Variants in HIKESHI observed in about 807,000 individuals in gnomAD.
The protein encoded by HIKESHI is protein Hikeshi.
In HIKESHI, 13 loss-of-function variants were observed where a neutral mutation model predicts 25.7. That is an observed-to-expected ratio of 0.51 (90% CI 0.33 to 0.80). The LOEUF is 0.80. HIKESHI is among the 30% of genes least tolerant of loss of function. The pLI is 0.02. For missense variants in HIKESHI, 174 were observed against 229.5 expected (o/e 0.76, Z 1.56); for synonymous variants, 76 against 78.7 (o/e 0.97, Z 0.18).
Position 86,304,512 on chromosome 11 carries a change from CTTT to C in HIKESHI, c.31-1713_31-1711del, listed in dbSNP as rs35545393. ...GCCAGTGTGTGAGTTGCACAACTCA[CTTT>C]TTTTTTTTTTTTTTTTTTTGAGACG... On this transcript the variant is annotated intron_variant, in intron 1 of 4. Transcript: ENST00000278483. Among the ~76,000 whole-genome samples the C allele has an allele frequency of 3.6e-5, 4 of 112,542 alleles. No homozygotes were observed. The Admixed American group carries it at 4.0e-4, about 11-fold the overall frequency. The allele number at this position is 112,542 out of a possible 152,430, so 73.8% of individuals were successfully genotyped here.
intron 2 of HIKESHI, among the ~76,000 whole-genome samples, chr11:86,309,854 C>T (rs891027966): frequency 2.2e-4 from 34 of 152,126 alleles, no homozygotes; most frequent in African/African-American, 7.5e-4. Context: ...TTGTTTTTGT[C>T]AGGTTTCTCA....
chr11:86,337,050 A>T (rs1947583145), intron 2 of HIKESHI, among the ~76,000 whole-genome samples: 1 of 152,180 alleles, frequency 6.6e-6, no homozygotes, highest in Admixed American at 6.5e-5. Flanking sequence ...TTGCTGGCAG[A>T]CCTGCTCCAT....
intron 3 of HIKESHI, chr11:86,344,379 G>T: frequency 2.4e-6 from 1 of 408,350 alleles, no homozygotes; most frequent in Non-Finnish European, 4.3e-6. Flanking sequence ...TGTTGCACAG[G>T]CTGGTCTTGA....
chr11:86,310,025 C>G (rs1035976478), intron 2 of HIKESHI, among the ~76,000 whole-genome samples: 1 of 149,166 alleles, frequency 6.7e-6, no homozygotes, highest in African/African-American at 2.5e-5. Flanking sequence ...GTTCTTTTGG[C>G]TTAGGATTGT....
intron 2 of HIKESHI, among the ~76,000 whole-genome samples, chr11:86,311,701 C>T (rs1452146382): frequency 6.6e-6 from 1 of 152,172 alleles, no homozygotes; most frequent in Admixed American, 6.5e-5. Flanking sequence ...GCATTTAGTG[C>T]TATAAATTTC....
chr11:86,310,028 A>C (rs1459779808), intron 2 of HIKESHI, among the ~76,000 whole-genome samples: 2 of 149,632 alleles, frequency 1.3e-5, no homozygotes, highest in Non-Finnish European at 3.0e-5. Context: ...CTTTTGGCTT[A>C]GGATTGTCTT....
At chr11:86,330,464 A>C (rs1482690845) in intron 2 of HIKESHI, among the ~76,000 whole-genome samples, 3 of 152,228 alleles carry the variant, frequency 2.0e-5, no homozygotes, top group Non-Finnish European at 2.9e-5. Flanking sequence ...GGAAGCCAAA[A>C]GCTCTATTTA....
intron 2 of HIKESHI, among the ~76,000 whole-genome samples, chr11:86,316,585 AAAT>A (rs1946985193): frequency 6.6e-6 from 1 of 152,076 alleles, no homozygotes; most frequent in Non-Finnish European, 1.5e-5. Context: ...AGTAAAAAGA[AAAT>A]AAGGCATTGG....
At chr11:86,329,500 A>T (rs1947366369) in intron 2 of HIKESHI, among the ~76,000 whole-genome samples, 1 of 150,992 alleles carries the variant, frequency 6.6e-6, no homozygotes, top group Non-Finnish European at 1.5e-5. Context: ...TAGCTTTAGG[A>T]TTTTCTGTAC....
chr11:86,343,945 C>T (rs1947800522), intron 3 of HIKESHI: 1 of 152,208 alleles, frequency 6.6e-6, no homozygotes. Context: ...TTACTTCTAG[C>T]TTCTACCAAG....
intron 2 of HIKESHI, among the ~76,000 whole-genome samples, chr11:86,319,301 G>T (rs1947090205): frequency 7.0e-6 from 1 of 143,174 alleles, no homozygotes. Context: ...GCAGTAGCAA[G>T]ATTTCAGCTC....
intron 2 of HIKESHI, among the ~76,000 whole-genome samples, chr11:86,328,906 T>TTG (rs139954147): frequency 0.031 from 4,487 of 145,258 alleles, 89 homozygotes; most frequent in African/African-American, 0.061. Context: ...GTTTTGTGTT[T>TTG]TGTGTGTGTG....
intron 2 of HIKESHI, among the ~76,000 whole-genome samples, chr11:86,329,694 C>G (rs1947372585): frequency 6.6e-6 from 1 of 151,438 alleles, no homozygotes; most frequent in South Asian, 2.1e-4. Flanking sequence ...TTTTTTCTTC[C>G]TCTGCTTTCT....
chr11:86,334,234 A>ATGTGTGTGTGTG (rs1555186477), intron 2 of HIKESHI, among the ~76,000 whole-genome samples: 1 of 125,940 alleles, frequency 7.9e-6, no homozygotes, highest in Admixed American at 8.8e-5. Flanking sequence ...TCTTTGTAAA[A>ATGTGTGTGTGTG]TATGTGTGTG....
intron 2 of HIKESHI, among the ~76,000 whole-genome samples, chr11:86,319,150 G>T (rs1947077282): frequency 6.8e-6 from 1 of 147,182 alleles, no homozygotes; most frequent in Non-Finnish European, 1.5e-5. Context: ...GGCCTCAGGT[G>T]ATCCTCTTGC....
In HIKESHI at chr11:86,345,718, C is replaced by T. The variant is rs1169878432; in HGVS notation, c.*80C>T. The T allele has an allele frequency of 1.3e-6, 1 of 759,128 alleles. No homozygotes were observed. Among genetic ancestry groups the T allele is most frequent in the African/African-American group, 1.8e-5 (1 of 54,848 alleles). 47.0% of individuals were successfully genotyped at this position (759,128 alleles called of 1,614,324 possible). ...CTGACTCCATCTAAAAGTATGAGGT[C>T]AAAGGATCACGAAACCTAAGTTTAA... On this transcript the variant is annotated 3_prime_UTR_variant, in exon 5 of 5. Coordinates refer to ENST00000278483, the MANE Select transcript of HIKESHI (RefSeq NM_016401.4).
chr11:86,327,312 TC>T (rs1947307270), intron 2 of HIKESHI, among the ~76,000 whole-genome samples: 1 of 152,150 alleles, frequency 6.6e-6, no homozygotes, highest in East Asian at 1.9e-4. Flanking sequence ...CCTCTGGTTT[TC>T]CTTTTTTTTT....
At chr11:86,342,478 C>CGT (rs34980731) in intron 3 of HIKESHI, among the ~76,000 whole-genome samples, 22,307 of 146,738 alleles carry the variant, frequency 0.15, 1,851 homozygotes, top group Non-Finnish European at 0.2. Flanking sequence ...TAAAGATGTT[C>CGT]GTGTGTGTGT....
intron 2 of HIKESHI, among the ~76,000 whole-genome samples, chr11:86,319,235 TATA>T (rs1344039096): frequency 1.1e-5 from 1 of 94,260 alleles, no homozygotes; most frequent in African/African-American, 5.1e-5. Context: ...TATATATATA[TATA>T]TATATTTTTT....
Sources: gnomAD v4.1 joint callset for allele counts (sites outside exome capture counted in the v4.1 genomes callset) on GRCh38, gnomAD v4.1.1 for gene constraint, MANE v1.5 for transcripts, NCBI Gene and HGNC (gene_info 2026-07-23, HGNC 2026-07-21) for gene names.